Variants in IST1 observed in about 807,000 individuals in gnomAD.
IST1 encodes IST1 factor associated with ESCRT-III, also known as IST1 homolog.
A neutral mutation model predicts 37.0 loss-of-function variants in IST1; 23 were observed. The ratio of observed to expected loss-of-function variants is 0.62; its 90% CI spans 0.45 to 0.88. The LOEUF is 0.88. IST1 is among the 40% of genes least tolerant of loss of function. IST1 has a pLI of 0.00. For missense variants in IST1, 488 were observed against 445.4 expected, an observed-to-expected ratio of 1.10 and a Z score of -0.86; for synonymous variants, 180 against 161.7, an observed-to-expected ratio of 1.11 and a Z score of -0.86.
chr16:71,901,775 G>T (rs1477562610), intron 1 of IST1, among the ~76,000 whole-genome samples: 3 of 152,118 alleles, frequency 2.0e-5, no homozygotes, highest in Non-Finnish European at 2.9e-5. Context: ...AAAGCATGTG[G>T]TTTTTAATTA....
At chr16:71,926,701 C>T (rs1265776943) in intron 9 of IST1, among the ~76,000 whole-genome samples, 2 of 152,148 alleles carry the variant, frequency 1.3e-5, no homozygotes, top group African/African-American at 2.4e-5. Flanking sequence ...TCAAGGTATA[C>T]AACATTACTC....
At chr16:71,901,629 G>A (rs1278479377) in intron 1 of IST1, among the ~76,000 whole-genome samples, 1 of 152,136 alleles carries the variant, frequency 6.6e-6, no homozygotes, top group Admixed American at 6.6e-5. Context: ...TTAATGATTA[G>A]TTTCTTCGTA....
chr16:71,915,743 T>C lies in IST1; in HGVS notation c.88+15T>C. ...GAAAAAGAAAAGTGAGTAGTGTACT[T>C]TTTTTCCCCAAAAATAAATCACTGG... On this transcript the variant is annotated intron_variant, in intron 2 of 9. Coordinates refer to ENST00000378799, the MANE Select transcript of IST1 (RefSeq NM_001270975.2). The C allele has an allele frequency of 6.5e-7, 1 of 1,535,372 alleles. No homozygotes were observed. Among genetic ancestry groups the C allele is most frequent in the Admixed American group, 1.7e-5 (1 of 58,350 alleles).
intron 4 of IST1, among the ~76,000 whole-genome samples, chr16:71,919,728 C>A (rs1016559512): frequency 1.3e-5 from 2 of 152,152 alleles, no homozygotes; most frequent in Non-Finnish European, 2.9e-5. Context: ...GCATCACTTC[C>A]CTCAGGAAGC....
rs566164029 is a variant in IST1 at position 71,926,003 on chromosome 16, C to T, written c.901+1186C>T. On this transcript the variant is annotated intron_variant, in intron 9 of 9. Transcript: ENST00000378799. ...GAAGAATACTTTTAAAATTAGAGGC[C>T]GGGTGCGGTGGCTCACCCCTGTAAT... 5.3e-5 allele frequency among the ~76,000 whole-genome samples: 8 copies of T among 151,938 alleles called. No homozygotes were observed. The South Asian group carries it at 8.3e-4, about 16-fold the overall frequency.
At chr16:71,906,002 C>CTTTTT (rs35581900) in intron 1 of IST1, among the ~76,000 whole-genome samples, 2 of 127,770 alleles carry the variant, frequency 1.6e-5, no homozygotes, top group Non-Finnish European at 1.7e-5. Context: ...TTAAGCAATT[C>CTTTTT]TTTTTTTTTT....
At chr16:71,902,671 A>C (rs1229168176) in intron 1 of IST1, among the ~76,000 whole-genome samples, 1 of 152,136 alleles carries the variant, frequency 6.6e-6, no homozygotes, top group Non-Finnish European at 1.5e-5. Flanking sequence ...TATTTCATTT[A>C]ATTGTTGAAT....
upstream of IST1, chr16:71,895,094 C>T (rs2036934321): frequency 1.6e-5 from 6 of 386,596 alleles, no homozygotes; most frequent in South Asian, 1.5e-4. Context: ...CTCGGCCGCT[C>T]CACCCAGGGG....
chr16:71,924,205 C>G (rs114969433), intron 8 of IST1: 8 of 455,498 alleles, frequency 1.8e-5, no homozygotes, highest in Non-Finnish European at 3.1e-5. Flanking sequence ...TATTTGAGGA[C>G]TTGGTTCTTA....
chr16:71,918,659 G>T (rs1318092105), intron 4 of IST1, among the ~76,000 whole-genome samples: 1 of 151,992 alleles, frequency 6.6e-6, no homozygotes, highest in Non-Finnish European at 1.5e-5. Context: ...CTCGTGATCC[G>T]CCTGCCTCGG....
intron 1 of IST1, among the ~76,000 whole-genome samples, chr16:71,901,472 C>T (rs949814697): frequency 2.0e-5 from 3 of 152,242 alleles, no homozygotes; most frequent in Non-Finnish European, 1.5e-5. Context: ...CTCGGCCTCC[C>T]AAAGTGCTGG....
chr16:71,910,521 G>A (rs1025457741), intron 1 of IST1, among the ~76,000 whole-genome samples: 20 of 151,824 alleles, frequency 1.3e-4, no homozygotes, highest in Non-Finnish European at 2.5e-4. Context: ...CAGGAGAATG[G>A]CGTGAACCTG....
chr16:71,930,300 T>A lies in IST1; in HGVS notation c.*2487T>A. ...GAAGAAAAGCTTATCCGAAGGAAAC[T>A]TAGGGAGAGAGTCAAAAGATAATAA... On this transcript the variant is annotated 3_prime_UTR_variant, in exon 10 of 10. Coordinates refer to ENST00000378799, the MANE Select transcript of IST1 (RefSeq NM_001270975.2). 9.5e-7 allele frequency: 1 copy of A among 1,055,660 alleles called. No homozygotes were observed. The highest frequency in any genetic ancestry group is 1.3e-6 in the Non-Finnish European group (1 of 777,074). 65.4% of individuals were successfully genotyped at this position (1,055,660 alleles called of 1,614,324 possible). A position where few individuals can be genotyped will look rare whatever the true frequency, so the allele number is the denominator to read the frequency against.
chr16:71,922,368 C>A, intron 6 of IST1, 106 bp from the exon 7 acceptor site: 1 of 887,034 alleles, frequency 1.1e-6, no homozygotes, highest in Non-Finnish European at 1.8e-6. Flanking sequence ...ATCCCAGAAG[C>A]ACTCCAGTAA....
At chr16:71,894,462 T>C (rs2036925177), upstream of IST1, 1 of 181,456 alleles carries the variant, frequency 5.5e-6, no homozygotes, top group Admixed American at 6.1e-5. Flanking sequence ...GCCAGGCTGG[T>C]CTCGAATTAC....
chr16:71,930,348 A>C lies in IST1; in HGVS notation c.*2535A>C, dbSNP rs555850277. ...TAAGAAGGAAAATACTTTTAAATGG[A>C]CAGAAGAGCAGGAATGACTCATTTT... On this transcript the variant is annotated 3_prime_UTR_variant, in exon 10 of 10. Coordinates refer to ENST00000378799, the MANE Select transcript of IST1 (RefSeq NM_001270975.2). 1 of 616,700 alleles carries C rather than the reference A, an allele frequency of 1.6e-6. No homozygotes were observed. 38.2% of individuals were successfully genotyped at this position (616,700 alleles called of 1,614,324 possible).
rs1435295189 is a variant in IST1 at position 71,930,291 on chromosome 16, G to A, written c.*2478G>A. On this transcript the variant is annotated 3_prime_UTR_variant, in exon 10 of 10. Coordinates refer to ENST00000378799, the MANE Select transcript of IST1 (RefSeq NM_001270975.2). The stretch of plus-strand genomic sequence containing the variant: ...ATCTTATCAGAAGAAAAGCTTATCC[G>A]AAGGAAACTTAGGGAGAGAGTCAAA... 4 of 1,179,260 alleles carry A rather than the reference G, an allele frequency of 3.4e-6. No homozygotes were observed. Among genetic ancestry groups the A allele is most frequent in the Admixed American group, 3.3e-5 (1 of 30,554 alleles). 73.0% of individuals were successfully genotyped at this position (1,179,260 alleles called of 1,614,324 possible).
At chr16:71,924,950 T>C in intron 9 of IST1, 133 bp downstream of exon 9, 1 of 640,396 alleles carries the variant, frequency 1.6e-6, no homozygotes, top group Non-Finnish European at 2.8e-6. Context: ...TCTTCCCAAA[T>C]GCTAAAATAG....
At chr16:71,922,941 T>C (rs2037642084) in intron 7 of IST1, 4 of 534,614 alleles carry the variant, frequency 7.5e-6, no homozygotes, top group Middle Eastern at 5.1e-4. Flanking sequence ...GGATCTGTTA[T>C]AGTCATACTA....
Sources: gnomAD v4.1 joint callset for allele counts (sites outside exome capture counted in the v4.1 genomes callset) on GRCh38, gnomAD v4.1.1 for gene constraint, MANE v1.5 for transcripts, NCBI Gene and HGNC (gene_info 2026-07-23, HGNC 2026-07-21) for gene names.